Variants in WDFY4 observed in about 807,000 individuals in gnomAD.
WDFY4 encodes the protein WDFY family member 4.
WDFY4 carries 169 observed loss-of-function variants against 351.9 expected under a neutral mutation model. That is an observed-to-expected ratio of 0.48 (90% CI 0.42 to 0.55). WDFY4 has a LOEUF of 0.55. Ranked by LOEUF, WDFY4 falls within the 20% of genes least tolerant of loss-of-function variation. The pLI, the probability that WDFY4 is intolerant of heterozygous loss-of-function variation, is 0.00. For missense variants in WDFY4, 3,803 were observed against 3,935.6 expected, an observed-to-expected ratio of 0.97 and a Z score of 0.90; for synonymous variants, 1,622 against 1,574.6, an observed-to-expected ratio of 1.03 and a Z score of -0.71.
chr10:48,804,790 G>A (rs2067198687), intron 25 of WDFY4: 1 of 984,460 alleles, frequency 1.0e-6, no homozygotes, highest in Non-Finnish European at 1.2e-6. Flanking sequence ...GGTATGGATA[G>A]GTGGATTCTG....
intron 2 of WDFY4, among the ~76,000 whole-genome samples, chr10:48,710,454 G>A (rs1236483082): frequency 1.3e-5 from 2 of 152,202 alleles, no homozygotes; most frequent in African/African-American, 2.4e-5. Flanking sequence ...AAGATGACAA[G>A]CAAGGCTCAT....
At chr10:48,884,600 C>A (rs1473217243) in intron 43 of WDFY4, among the ~76,000 whole-genome samples, 2 of 152,138 alleles carry the variant, frequency 1.3e-5, no homozygotes, top group Non-Finnish European at 2.9e-5. Context: ...CATACACATA[C>A]ACATGTGTGC....
At chr10:48,957,727 G>T (rs967367173) in intron 52 of WDFY4, among the ~76,000 whole-genome samples, 1 of 152,214 alleles carries the variant, frequency 6.6e-6, no homozygotes, top group Non-Finnish European at 1.5e-5. Flanking sequence ...GGGGTAGACT[G>T]CTGGGTGGGA....
intron 19 of WDFY4, 92 bp downstream of exon 19, chr10:48,780,211 G>T: frequency 6.9e-7 from 1 of 1,451,594 alleles, no homozygotes. Context: ...TGTTTTTGTT[G>T]TTGTTTGTTT....
chr10:48,857,431 A>C (rs1179193965), intron 39 of WDFY4, among the ~76,000 whole-genome samples: 1 of 151,978 alleles, frequency 6.6e-6, no homozygotes, highest in Non-Finnish European at 1.5e-5. Context: ...GTGCCAAGGC[A>C]TTAGTTTTGT....
chr10:48,811,731 G>C (rs1233528998), intron 30 of WDFY4, 23 bp downstream of exon 30: 2 of 1,548,566 alleles, frequency 1.3e-6, no homozygotes, highest in Non-Finnish European at 1.7e-6. Flanking sequence ...AGCACCCACA[G>C]GGTGACACAC....
chr10:48,692,207 C>T (rs2132090435), intron 1 of WDFY4, among the ~76,000 whole-genome samples: 1 of 152,292 alleles, frequency 6.6e-6, no homozygotes, highest in South Asian at 2.1e-4. Context: ...CCCAGATATT[C>T]AAAAGGGGAA....
intron 35 of WDFY4, chr10:48,823,282 G>T: frequency 3.1e-6 from 4 of 1,293,926 alleles, no homozygotes; most frequent in Non-Finnish European, 4.1e-6. Flanking sequence ...AATTCAAGTT[G>T]TCCCACCCAG....
intron 2 of WDFY4, among the ~76,000 whole-genome samples, chr10:48,711,084 A>G (rs1027113350): frequency 3.4e-4 from 52 of 152,220 alleles, no homozygotes; most frequent in African/African-American, 1.2e-3. Context: ...AGGCTTTGGC[A>G]TGTTTTCACT....
intron 19 of WDFY4, among the ~76,000 whole-genome samples, chr10:48,785,598 T>C (rs189622841): frequency 6.6e-6 from 1 of 152,372 alleles, no homozygotes; most frequent in East Asian, 1.9e-4. Flanking sequence ...GTCTATCATT[T>C]CTCAATTGAA....
At position 48,720,124 on chromosome 10, in the gene WDFY4, G is replaced by T. The variant is rs375986477; in HGVS notation, c.348G>T (p.Ala116=). 1 of 1,551,512 alleles carries T rather than the reference G, an allele frequency of 6.4e-7. No homozygotes were observed. The highest frequency in any genetic ancestry group is 2.0e-5 in the Admixed American group (1 of 50,994). Residue 116 remains alanine (A), a splice_region_variant and synonymous_variant, in exon 3 of 62, where the codon GCG becomes GCT. Transcript: ENST00000325239. ...QLQKALVGKP[A]EQARLAAGQL... is the part of the protein sequence containing the mutation. ...AGAAGGCCCTTGTGGGGAAGCCTGC[G>T]GGTAAGAGCATGGAGGTGCTGGCAG...
intron 47 of WDFY4, among the ~76,000 whole-genome samples, chr10:48,939,307 C>T (rs1345272424): frequency 1.3e-5 from 2 of 152,248 alleles, no homozygotes; most frequent in African/African-American, 4.8e-5. Flanking sequence ...CGTGCCCACA[C>T]CAATGCTAGC....
At chr10:48,693,336 A>G (rs1238902756) in intron 1 of WDFY4, among the ~76,000 whole-genome samples, 1 of 152,166 alleles carries the variant, frequency 6.6e-6, no homozygotes, top group African/African-American at 2.4e-5. Flanking sequence ...ATGAGCAAGC[A>G]GAGGTGTTGG....
chr10:48,811,296 C>T (rs975752214), intron 29 of WDFY4, among the ~76,000 whole-genome samples: 3 of 152,172 alleles, frequency 2.0e-5, no homozygotes, highest in Non-Finnish European at 4.4e-5. Context: ...TCAAAGCTGC[C>T]CTGTTGCCTC....
intron 47 of WDFY4, among the ~76,000 whole-genome samples, chr10:48,916,025 C>A (rs771965423): frequency 3.9e-5 from 6 of 152,236 alleles, no homozygotes; most frequent in Non-Finnish European, 8.8e-5. Context: ...ATTTTGTATG[C>A]TCACTTGGTC....
chr10:48,872,884 G>A (rs2069837819), intron 40 of WDFY4, among the ~76,000 whole-genome samples: 1 of 152,134 alleles, frequency 6.6e-6, no homozygotes, highest in Non-Finnish European at 1.5e-5. Flanking sequence ...TGAACATTCT[G>A]GAATCTATGA....
intron 43 of WDFY4, among the ~76,000 whole-genome samples, chr10:48,886,345 C>T (rs970486832): frequency 2.0e-5 from 3 of 152,156 alleles, no homozygotes; most frequent in African/African-American, 7.2e-5. Context: ...TGTCTCCCTG[C>T]TATGGTTTGA....
chr10:48,949,822 C>T (rs1031724657), intron 51 of WDFY4, among the ~76,000 whole-genome samples: 1 of 152,132 alleles, frequency 6.6e-6, no homozygotes, highest in Admixed American at 6.5e-5. Context: ...GTCCCAGCAT[C>T]CCCAGGGCTG....
At chr10:48,693,873 G>A (rs1218490072) in intron 1 of WDFY4, among the ~76,000 whole-genome samples, 2 of 152,182 alleles carry the variant, frequency 1.3e-5, no homozygotes, top group Non-Finnish European at 2.9e-5. Context: ...CCTGGCACAG[G>A]AGAGGACAGG....
Sources: gnomAD v4.1 joint callset for allele counts (sites outside exome capture counted in the v4.1 genomes callset) on GRCh38, gnomAD v4.1.1 for gene constraint, MANE v1.5 for transcripts, NCBI Gene and HGNC (gene_info 2026-07-23, HGNC 2026-07-21) for gene names.